The following IL1RAPL1 variants were observed in gnomAD, a reference collection of about 807,000 sequenced individuals.
IL1RAPL1 encodes interleukin 1 receptor accessory protein like 1.
A neutral mutation model predicts 48.4 loss-of-function variants in IL1RAPL1; 3 were observed. That is an observed-to-expected ratio of 0.06 (90% CI 0.03 to 0.16). The LOEUF (loss-of-function observed/expected upper bound fraction) is 0.16, where lower values mean the gene tolerates loss of function less well. Among genes scored for constraint, IL1RAPL1 ranks in the 10% least tolerant of loss-of-function variants. The pLI, the probability that IL1RAPL1 is intolerant of heterozygous loss-of-function variation, is 1.00. For missense variants in IL1RAPL1, 349 were observed against 530.6 expected (o/e 0.66, Z 3.36); for synonymous variants, 185 against 187.7 (o/e 0.99, Z 0.12).
intron 2 of IL1RAPL1, among the ~76,000 whole-genome samples, chrX:28,956,991 G>A (rs1213352484): frequency 9.0e-6 from 1 of 110,739 alleles, no homozygotes; most frequent in Non-Finnish European, 1.9e-5. Flanking sequence ...TTAGTCTTGG[G>A]AGGGTGTATG....
chrX:29,319,558 GTATC>G lies in IL1RAPL1; in HGVS notation c.362+36358_362+36361del, dbSNP rs753188364. Reference sequence around the variant, plus strand: ...TGTATGTATGTATGTATGTATGTATGTATCTATCTATCTATCTATCCATCCATCG... The same window carrying G: ...TGTATGTATGTATGTATGTATGTATGTATCTATCTATCTATCCATCCATCG... On this transcript the variant is annotated intron_variant, in intron 3 of 10. Coordinates refer to ENST00000378993, the MANE Select transcript of IL1RAPL1 (RefSeq NM_014271.4). Among the ~76,000 whole-genome samples the G allele has an allele frequency of 4.9e-3, 403 of 82,011 alleles. 1 individual carries two copies. Among genetic ancestry groups the G allele is most frequent in the South Asian group, 0.04 (70 of 1,750 alleles). The allele number at this position is 82,011 out of a possible 115,157, so 71.2% of individuals were successfully genotyped here. A position where few individuals can be genotyped will look rare whatever the true frequency, so the allele number is the denominator to read the frequency against.
intron 3 of IL1RAPL1, among the ~76,000 whole-genome samples, chrX:29,393,195 C>T (rs1347725370): frequency 1.8e-5 from 2 of 111,676 alleles, no homozygotes; most frequent in Non-Finnish European, 1.9e-5. Flanking sequence ...GATCTCGGCT[C>T]ACTGCAAGCT....
intron 1 of IL1RAPL1, among the ~76,000 whole-genome samples, chrX:28,640,893 A>G (rs1188959224): frequency 5.4e-5 from 6 of 110,462 alleles, no homozygotes; most frequent in African/African-American, 2.0e-4. Context: ...TGCATATCAA[A>G]TCCCCAAACT....
chrX:28,609,039 T>A (rs1257740019), intron 1 of IL1RAPL1, among the ~76,000 whole-genome samples: 1 of 112,417 alleles, frequency 8.9e-6, no homozygotes, highest in East Asian at 2.8e-4. Context: ...TGACATATTT[T>A]AATTTGAAAA....
chrX:29,492,197 G>T (rs1033408035), intron 5 of IL1RAPL1, among the ~76,000 whole-genome samples: 2 of 112,496 alleles, frequency 1.8e-5, no homozygotes, highest in Non-Finnish European at 3.8e-5. Flanking sequence ...ACAACCGTAA[G>T]TGAAGTCTTG....
chrX:29,335,370 C>G (rs1183309142), intron 3 of IL1RAPL1, among the ~76,000 whole-genome samples: 1 of 91,040 alleles, frequency 1.1e-5, no homozygotes, highest in Non-Finnish European at 2.2e-5. Flanking sequence ...TCTTTAGAAG[C>G]AAACAGTGCC....
chrX:28,827,905 T>G (rs1267310003), intron 2 of IL1RAPL1, among the ~76,000 whole-genome samples: 2 of 112,037 alleles, frequency 1.8e-5, no homozygotes, highest in Non-Finnish European at 3.8e-5. Flanking sequence ...TTTTCTCTAA[T>G]AACACTTTTA....
intron 6 of IL1RAPL1, among the ~76,000 whole-genome samples, chrX:29,915,408 G>A (rs1932790012): frequency 8.9e-6 from 1 of 111,909 alleles, no homozygotes; most frequent in African/African-American, 3.2e-5. Context: ...AATATTAGAA[G>A]AGCAATAATT....
intron 5 of IL1RAPL1, among the ~76,000 whole-genome samples, chrX:29,510,496 T>C (rs763405093): frequency 1.1e-3 from 120 of 112,430 alleles, no homozygotes; most frequent in Middle Eastern, 9.1e-3. Flanking sequence ...TTTGTTCAAA[T>C]ATCAAAATAT....
chrX:29,255,020 C>T (rs986447395), intron 2 of IL1RAPL1, among the ~76,000 whole-genome samples: 5 of 110,056 alleles, frequency 4.5e-5, no homozygotes, highest in Non-Finnish European at 9.5e-5. Context: ...GCTCTGAAAT[C>T]GTGTCATTAG....
At chrX:29,413,804 A>C (rs184712029) in intron 5 of IL1RAPL1, among the ~76,000 whole-genome samples, 21 of 110,735 alleles carry the variant, frequency 1.9e-4, no homozygotes, top group African/African-American at 6.6e-4. Context: ...TTTGTGTGCA[A>C]GCTACTAACA....
At chrX:29,918,781 CTTAT>C (rs1161615054) in intron 7 of IL1RAPL1, among the ~76,000 whole-genome samples, 1 of 111,933 alleles carries the variant, frequency 8.9e-6, no homozygotes, top group Non-Finnish European at 1.9e-5. Context: ...AATGTGTTTA[CTTAT>C]TTATTCATTT....
chrX:29,228,799 G>A (rs1370421870), intron 2 of IL1RAPL1, among the ~76,000 whole-genome samples: 5 of 112,155 alleles, frequency 4.5e-5, no homozygotes, highest in Non-Finnish European at 9.4e-5. Flanking sequence ...TTTGCTGCCT[G>A]TGTTTTTGTG....
At chrX:29,910,130 T>C (rs1454441729) in intron 6 of IL1RAPL1, among the ~76,000 whole-genome samples, 3 of 110,951 alleles carry the variant, frequency 2.7e-5, no homozygotes, top group African/African-American at 9.8e-5. Flanking sequence ...CGAGAGACCA[T>C]TATTGTAAAT....
intron 1 of IL1RAPL1, among the ~76,000 whole-genome samples, chrX:28,711,884 G>A (rs763919929): frequency 1.8e-5 from 2 of 110,286 alleles, no homozygotes; most frequent in South Asian, 7.6e-4. Context: ...TAAAGAAGTT[G>A]TGAACTTATC....
chrX:29,082,936 T>C lies in IL1RAPL1; in HGVS notation c.83-200002T>C, dbSNP rs181045644. On this transcript the variant is annotated intron_variant, in intron 2 of 10. Transcript: ENST00000378993. ...ATGTAACATCTTTTTCTTTACATTT[T>C]TGACTATATATATATATTTCTTTTA... Among the ~76,000 whole-genome samples, 7 of 112,177 alleles carry C rather than the reference T, an allele frequency of 6.2e-5. No individual in the cohort carries two copies. The East Asian group carries it at 2.0e-3, about 31-fold the overall frequency.
In IL1RAPL1 at chrX:28,880,553, A is replaced by C. The variant is rs1922477123; in HGVS notation, c.82+91128A>C. 7.1e-5 allele frequency among the ~76,000 whole-genome samples: 8 copies of C among 112,391 alleles called. No individual in the cohort carries two copies. In the South Asian group the frequency reaches 2.9e-3, roughly 41 times the overall value. ...CCAAAGAAATGGAAAATATCAAATA[A>C]TTTCTAAATTGAATACCAGCTCCAA... On this transcript the variant is annotated intron_variant, in intron 2 of 10. Transcript: ENST00000378993.
chrX:29,208,025 C>G (rs1418615603), intron 2 of IL1RAPL1, among the ~76,000 whole-genome samples: 2 of 111,575 alleles, frequency 1.8e-5, no homozygotes, highest in Non-Finnish European at 3.8e-5. Flanking sequence ...TTACTTGCCT[C>G]TCAGTGGACT....
At chrX:28,946,681 A>G (rs1361173839) in intron 2 of IL1RAPL1, among the ~76,000 whole-genome samples, 1 of 110,959 alleles carries the variant, frequency 9.0e-6, no homozygotes, top group Non-Finnish European at 1.9e-5. Flanking sequence ...TGTTTAAGGC[A>G]TTGTGCTTGA....
Sources: gnomAD v4.1 joint callset for allele counts (sites outside exome capture counted in the v4.1 genomes callset) on GRCh38, gnomAD v4.1.1 for gene constraint, MANE v1.5 for transcripts, NCBI Gene and HGNC (gene_info 2026-07-23, HGNC 2026-07-21) for gene names.